The following PCDHGA6 variants were observed in gnomAD, a reference collection of about 807,000 sequenced individuals.
PCDHGA6 encodes protocadherin gamma subfamily A, 6.
A neutral mutation model predicts 60.6 loss-of-function variants in PCDHGA6; 41 were observed. That is an observed-to-expected ratio of 0.68 (90% CI 0.53 to 0.88). PCDHGA6 has a LOEUF of 0.88. Among genes scored for constraint, PCDHGA6 ranks in the 40% least tolerant of loss-of-function variants. PCDHGA6 has a pLI of 0.00. For synonymous variants in PCDHGA6, 594 were observed against 524.4 expected (o/e 1.13, Z -1.81); for missense variants, 1,312 against 1,203.0 (o/e 1.09, Z -1.34).
rs141151122 is a variant in PCDHGA6, at chr5:141,491,445, C to T, written c.2425-3362C>T. ...GAGGGCAGTGCTGCAGGCGCCAGGA[C>T]TCACCCTCCCCGGACTTCTATAAGC... is the stretch of plus-strand genomic sequence containing the variant. On this transcript the variant is annotated intron_variant, in intron 1 of 3. Transcript: ENST00000517434. This position sits in a 1 kb window ranked among gnomAD's most constrained non-coding sequence, Gnocchi z 6.9. 1 of 1,614,112 alleles carries T rather than the reference C, an allele frequency of 6.2e-7. No individual in the cohort carries two copies. The highest frequency in any genetic ancestry group is 8.5e-7 in the Non-Finnish European group (1 of 1,180,032).
At chr5:141,389,111 C>T (rs752785695) in intron 1 of PCDHGA6, 4 of 1,614,008 alleles carry the variant, frequency 2.5e-6, no homozygotes, top group South Asian at 1.1e-5. Flanking sequence ...CTGTTCTAGA[C>T]CGCGAGCAGA....
Position 141,375,274 on chromosome 5 carries a change from A to C in PCDHGA6, c.1191A>C (p.Ser397=), listed in dbSNP as rs773661979. Residue 397 remains serine (S), a synonymous_variant, in exon 1 of 4, where the codon TCA becomes TCC. Transcript: ENST00000517434. ...PRSLPFELEK[S]VGNYYRLVTN... ...GTCTCCCATTTGAATTGGAAAAATC[A>C]GTTGGCAATTATTATCGATTAGTGA... 9 of 1,613,898 alleles carry C rather than the reference A, an allele frequency of 5.6e-6. No individual in the cohort carries two copies. In the East Asian group the frequency reaches 2.0e-4, roughly 36 times the overall value.
intron 1 of PCDHGA6, chr5:141,399,459 C>A (rs897098728): frequency 6.2e-7 from 1 of 1,614,012 alleles, no homozygotes; most frequent in African/African-American, 1.3e-5. Flanking sequence ...TCAACGATAA[C>A]GCTCCGGTTT....
At position 141,477,368 on chromosome 5, in the gene PCDHGA6, G is replaced by A; in HGVS notation, c.2425-17439G>A. Reference sequence around the variant, plus strand: ...GAAAACCAGTGCAGACCTGGATCGGGAGACTGTGCCAGAATACAACCTCAG... The same window carrying A: ...GAAAACCAGTGCAGACCTGGATCGGAAGACTGTGCCAGAATACAACCTCAG... On this transcript the variant is annotated intron_variant, in intron 1 of 3. Coordinates refer to ENST00000517434, the MANE Select transcript of PCDHGA6 (RefSeq NM_018919.3). The surrounding 1 kb of genome is among the most constrained non-coding windows in gnomAD (Gnocchi z 4.9). 6.2e-7 allele frequency: 1 copy of A among 1,614,132 alleles called. No individual in the cohort carries two copies. Among genetic ancestry groups the A allele is most frequent in the Non-Finnish European group, 8.5e-7 (1 of 1,180,024 alleles).
In PCDHGA6 at chr5:141,493,755, A is replaced by C. The variant is rs1364524112; in HGVS notation, c.2425-1052A>C. Among the ~76,000 whole-genome samples, 1 of 152,148 alleles carries C rather than the reference A, an allele frequency of 6.6e-6. No homozygotes were observed. The highest frequency in any genetic ancestry group is 2.4e-5 in the African/African-American group (1 of 41,440). On this transcript the variant is annotated intron_variant, in intron 1 of 3. Coordinates refer to ENST00000517434, the MANE Select transcript of PCDHGA6 (RefSeq NM_018919.3). The surrounding 1 kb of genome is among the most constrained non-coding windows in gnomAD (Gnocchi z 4.3). ...ATATCACTGCCACCTGTGAGCCTTG[A>C]GTGAGCCACTGGCAGTTCCGGAGCT...
At position 141,392,979 on chromosome 5, in the gene PCDHGA6, C is replaced by A. The variant is rs1356713892; in HGVS notation, c.2424+16472C>A. 1.9e-6 allele frequency: 3 copies of A among 1,613,718 alleles called. No individual in the cohort carries two copies. In the South Asian group the frequency reaches 3.3e-5, roughly 18 times the overall value. ...TATCTCCAAGGACCTGGGGCTGGACCCCCGGAAGCTGGCGAAGCACGGAGT... is the reference window on the plus strand; with the variant it reads ...TATCTCCAAGGACCTGGGGCTGGACACCCGGAAGCTGGCGAAGCACGGAGT... On this transcript the variant is annotated intron_variant, in intron 1 of 3. Transcript: ENST00000517434.
chr5:141,413,835 CG>C, intron 1 of PCDHGA6: 2 of 1,613,258 alleles, frequency 1.2e-6, no homozygotes, highest in South Asian at 1.1e-5. Context: ...CCGCCTCCGA[CG>C]GGGGTGACCC....
At chr5:141,510,818 A>C in intron 3 of PCDHGA6, 129 bp from the exon 4 acceptor site, 1 of 1,551,540 alleles carries the variant, frequency 6.4e-7, no homozygotes, top group Non-Finnish European at 8.7e-7. Context: ...TGACCCCTAT[A>C]TTCCCAGTGC....
chr5:141,375,879 G>C lies in PCDHGA6; in HGVS notation c.1796G>C (p.Gly599Ala). Reference sequence around the variant, plus strand: ...GTGGTGGCGGTGGACAGAGACTCGGGCCAGAACGCCTGGCTGTCCTACCGC... The same window carrying C: ...GTGGTGGCGGTGGACAGAGACTCGGCCCAGAACGCCTGGCTGTCCTACCGC... Reference protein sequence around the residue: ...TKVVAVDRDSGQNAWLSYRLL... With the variant: ...TKVVAVDRDSAQNAWLSYRLL... The change falls in exon 1 of 4, where the codon GGC (glycine) becomes GCC (alanine). Residue 599 changes from glycine (G) to alanine (A), a missense_variant. Coordinates refer to ENST00000517434, the MANE Select transcript of PCDHGA6 (RefSeq NM_018919.3). 6.2e-7 allele frequency: 1 copy of C among 1,613,144 alleles called. No homozygotes were observed. Among genetic ancestry groups the C allele is most frequent in the Non-Finnish European group, 8.5e-7 (1 of 1,179,916 alleles).
intron 1 of PCDHGA6, among the ~76,000 whole-genome samples, chr5:141,457,745 G>T (rs1039982528): frequency 6.6e-6 from 1 of 152,232 alleles, no homozygotes; most frequent in Non-Finnish European, 1.5e-5. Flanking sequence ...TTTTAAAGCT[G>T]AGCCCAGACA....
intron 1 of PCDHGA6, chr5:141,398,744 G>A: frequency 1.9e-6 from 3 of 1,613,854 alleles, no homozygotes; most frequent in Non-Finnish European, 2.5e-6. Context: ...GAACAACAGA[G>A]TTACCATCGT....
At chr5:141,403,978 C>T (rs965753943) in intron 1 of PCDHGA6, 2 of 1,613,714 alleles carry the variant, frequency 1.2e-6, no homozygotes, top group African/African-American at 2.7e-5. Context: ...ATGTAAATGA[C>T]AATAGACCTG....
At chr5:141,459,737 A>T (rs2098974670) in intron 1 of PCDHGA6, among the ~76,000 whole-genome samples, 1 of 152,176 alleles carries the variant, frequency 6.6e-6, no homozygotes, top group African/African-American at 2.4e-5. Flanking sequence ...CAATTTTTTA[A>T]ATTTTAGCAA....
chr5:141,389,478 G>C (rs764977787), intron 1 of PCDHGA6: 1 of 1,613,150 alleles, frequency 6.2e-7, no homozygotes, highest in Non-Finnish European at 8.5e-7. Context: ...CACACTGCAG[G>C]CCCGCGACCA....
At chr5:141,500,045 T>C (rs2099796072) in intron 2 of PCDHGA6, among the ~76,000 whole-genome samples, 1 of 152,062 alleles carries the variant, frequency 6.6e-6, no homozygotes, top group South Asian at 2.1e-4. Flanking sequence ...CTTAAGTATC[T>C]TAATGCTCTT....
chr5:141,494,546 G>T (rs984336435), intron 1 of PCDHGA6, among the ~76,000 whole-genome samples: 1 of 152,152 alleles, frequency 6.6e-6, no homozygotes, highest in African/African-American at 2.4e-5. Context: ...GGAGGAAGGG[G>T]CCATTTCTTT....
intron 1 of PCDHGA6, chr5:141,383,504 G>T (rs373658496): frequency 6.2e-7 from 1 of 1,612,766 alleles, no homozygotes; most frequent in South Asian, 1.1e-5. Context: ...GTGCTGGACC[G>T]GGAGGAAGAG....
In PCDHGA6 at chr5:141,374,853, TAGGCACACCAGTGTTG is replaced by T; in HGVS notation, c.771_786del (p.Gly258GlnfsTer2). 6.2e-7 allele frequency: 1 copy of T among 1,613,796 alleles called. No individual in the cohort carries two copies. The highest frequency in any genetic ancestry group is 8.5e-7 in the Non-Finnish European group (1 of 1,179,900). On this transcript the variant is annotated frameshift_variant, in exon 1 of 4. Transcript: ENST00000517434. LOFTEE classifies it high-confidence loss of function. ...GTAAGTGTTCCTGAAAACCTGCCAG[TAGGCACACCAGTGTTG>T]GCAGTGACTGCCACCGACCAGGATG...
chr5:141,421,409 C>T, intron 1 of PCDHGA6: 1 of 1,614,026 alleles, frequency 6.2e-7, no homozygotes, highest in Non-Finnish European at 8.5e-7. Context: ...CGGGAGCTGG[C>T]GAAGCGCGGA....
Sources: gnomAD v4.1 joint callset for allele counts (sites outside exome capture counted in the v4.1 genomes callset) on GRCh38, gnomAD v4.1.1 for gene constraint, Gnocchi (gnomAD v3.1) non-coding constraint, MANE v1.5 for transcripts, NCBI Gene and HGNC (gene_info 2026-07-23, HGNC 2026-07-21) for gene names.